CSMD1: variants seen among roughly 807,000 people sequenced by gnomAD.
The protein encoded by CSMD1 is CUB and Sushi multiple domains 1.
A neutral mutation model predicts 417.5 loss-of-function variants in CSMD1; 213 were observed. The observed-to-expected ratio is 0.51, with a 90% CI of 0.46 to 0.57. The LOEUF (loss-of-function observed/expected upper bound fraction) is 0.57. Among genes scored for constraint, CSMD1 ranks in the 20% least tolerant of loss-of-function variants. The pLI, the probability that CSMD1 is intolerant of heterozygous loss-of-function variation, is 0.00. For missense variants in CSMD1, 6,923 were observed against 4,529.7 expected (o/e 1.53, Z -15.17); for synonymous variants, 2,862 against 1,736.8 (o/e 1.65, Z -16.11).
At chr8:3,760,262 G>C (rs959039148) in intron 5 of CSMD1, among the ~76,000 whole-genome samples, 1 of 152,142 alleles carries the variant, frequency 6.6e-6, no homozygotes, top group Non-Finnish European at 1.5e-5. Flanking sequence ...GGAACTGGTT[G>C]TTCCCACTTT....
At chr8:4,601,219 G>C (rs1222040488) in intron 2 of CSMD1, among the ~76,000 whole-genome samples, 2 of 152,140 alleles carry the variant, frequency 1.3e-5, no homozygotes, top group Non-Finnish European at 1.5e-5. Context: ...GCCGCCCAAA[G>C]TGCCGGGATT....
rs199586630 is a variant in CSMD1 at position 4,179,926 on chromosome 8, C to G, written c.416-147827G>C. Among the ~76,000 whole-genome samples, 4 of 152,162 alleles carry G rather than the reference C, an allele frequency of 2.6e-5. No homozygotes were observed. In the East Asian group the frequency reaches 5.8e-4, roughly 22 times the overall value. ...TGGCGATCATTAAAAAGTCAGGAAACAAAAGGTGCTGGAGAGGATGTGGAG... is the reference window on the plus strand; with the variant it reads ...TGGCGATCATTAAAAAGTCAGGAAAGAAAAGGTGCTGGAGAGGATGTGGAG... On this transcript the variant is annotated intron_variant, in intron 3 of 69. Coordinates refer to ENST00000635120, the MANE Select transcript of CSMD1 (RefSeq NM_033225.6).
chr8:4,210,106 T>G (rs1278772768), intron 3 of CSMD1, among the ~76,000 whole-genome samples: 2 of 152,204 alleles, frequency 1.3e-5, no homozygotes, highest in African/African-American at 4.8e-5. Flanking sequence ...GGAGAGCTCC[T>G]GATCATTTTC....
At chr8:3,397,623 G>A (rs1423550650) in intron 16 of CSMD1, among the ~76,000 whole-genome samples, 1 of 152,174 alleles carries the variant, frequency 6.6e-6, no homozygotes, top group Non-Finnish European at 1.5e-5. Flanking sequence ...TCTTAAAACT[G>A]ATTTCTCAGT....
chr8:4,917,525 T>G (rs2117122496), intron 1 of CSMD1, among the ~76,000 whole-genome samples: 1 of 152,166 alleles, frequency 6.6e-6, no homozygotes, highest in Admixed American at 6.5e-5. Flanking sequence ...TCCCAGCTAC[T>G]CGGGAAGCTG....
intron 12 of CSMD1, 128 bp from the exon 13 acceptor site, chr8:3,409,733 T>A: frequency 1.5e-6 from 1 of 673,836 alleles, no homozygotes; most frequent in Non-Finnish European, 2.5e-6. Flanking sequence ...AAAGTGTTTC[T>A]AAAGGATATT....
At chr8:4,505,883 C>G (rs1802499220) in intron 2 of CSMD1, among the ~76,000 whole-genome samples, 1 of 151,982 alleles carries the variant, frequency 6.6e-6, no homozygotes, top group African/African-American at 2.4e-5. Context: ...TCCCTAACCT[C>G]TGCCTCCTGG....
chr8:4,050,428 G>C (rs1240142576), intron 3 of CSMD1, among the ~76,000 whole-genome samples: 2 of 151,256 alleles, frequency 1.3e-5, no homozygotes, highest in Non-Finnish European at 2.9e-5. Context: ...TTTGTTTTTT[G>C]CATATATACA....
Position 4,875,154 on chromosome 8 carries a change from G to A in CSMD1, c.85+119178C>T, listed in dbSNP as rs190070831. Among the ~76,000 whole-genome samples the A allele has an allele frequency of 2.8e-3, 429 of 151,822 alleles. 2 individuals are homozygous for A. The highest frequency in any genetic ancestry group is 5.0e-3 in the Admixed American group (76 of 15,246). ...CTCATGGTAAGGTAGTATGTGCTCTGCCTACAAATCTTGAAAGATTCGTGT... is the reference window on the plus strand; with the variant it reads ...CTCATGGTAAGGTAGTATGTGCTCTACCTACAAATCTTGAAAGATTCGTGT... On this transcript the variant is annotated intron_variant, in intron 1 of 69. Transcript: ENST00000635120.
intron 3 of CSMD1, among the ~76,000 whole-genome samples, chr8:4,211,147 A>G (rs1024084474): frequency 1.3e-5 from 2 of 152,084 alleles, no homozygotes; most frequent in African/African-American, 4.8e-5. Flanking sequence ...TCTAATCACT[A>G]AATAATTTAT....
intron 1 of CSMD1, among the ~76,000 whole-genome samples, chr8:4,828,503 G>C (rs1309440939): frequency 6.6e-6 from 1 of 152,070 alleles, no homozygotes; most frequent in South Asian, 2.1e-4. Context: ...GGTAAGATCC[G>C]AAAGCACCTA....
At chr8:4,142,467 A>G (rs1803848779) in intron 3 of CSMD1, among the ~76,000 whole-genome samples, 1 of 151,234 alleles carries the variant, frequency 6.6e-6, no homozygotes, top group Non-Finnish European at 1.5e-5. Flanking sequence ...AGAATAATCT[A>G]CCTTGTTATT....
intron 3 of CSMD1, among the ~76,000 whole-genome samples, chr8:4,041,130 C>A (rs1227949991): frequency 6.6e-6 from 1 of 150,482 alleles, no homozygotes; most frequent in Non-Finnish European, 1.5e-5. Flanking sequence ...CATTCTCCTG[C>A]CTCAGCCTCC....
intron 5 of CSMD1, among the ~76,000 whole-genome samples, chr8:3,961,718 G>A (rs1812338336): frequency 6.6e-6 from 1 of 152,148 alleles, no homozygotes. Flanking sequence ...GATACTCATG[G>A]GAGCATTTCC....
At chr8:3,841,378 A>C (rs1218802661) in intron 5 of CSMD1, among the ~76,000 whole-genome samples, 1 of 152,184 alleles carries the variant, frequency 6.6e-6, no homozygotes, top group Non-Finnish European at 1.5e-5. Context: ...TGTGGTTCTC[A>C]ACCTCAAGCA....
intron 2 of CSMD1, among the ~76,000 whole-genome samples, chr8:4,507,936 G>C (rs1045462276): frequency 6.6e-6 from 1 of 152,094 alleles, no homozygotes; most frequent in African/African-American, 2.4e-5. Context: ...AGTGAAAATA[G>C]TATCAGCAGG....
rs533214209 is a variant in CSMD1 at position 3,317,374 on chromosome 8, G to A, written c.3632-8871C>T. On this transcript the variant is annotated intron_variant, in intron 23 of 69. Coordinates refer to ENST00000635120, the MANE Select transcript of CSMD1 (RefSeq NM_033225.6). Reference sequence around the variant, plus strand: ...TTAGACATCCTAACAAATAGTAATCGCAATAATTACCCAAGCTATAGGCAT... The same window carrying A: ...TTAGACATCCTAACAAATAGTAATCACAATAATTACCCAAGCTATAGGCAT... 1.1e-4 allele frequency among the ~76,000 whole-genome samples: 17 copies of A among 152,236 alleles called. No individual in the cohort carries two copies. In the East Asian group the frequency reaches 1.5e-3, roughly 14 times the overall value.
intron 1 of CSMD1, among the ~76,000 whole-genome samples, chr8:4,717,020 T>C (rs1343812073): frequency 6.6e-6 from 1 of 152,060 alleles, no homozygotes; most frequent in African/African-American, 2.4e-5. Context: ...TGAGGACACA[T>C]TTTCTCCTCT....
chr8:4,328,333 C>G lies in CSMD1; in HGVS notation c.415+91620G>C, dbSNP rs145888930. Reference sequence around the variant, plus strand: ...GACTCAGTTAAGTCAACTGTGCGGTCTGAGACTTCTCTCTTTCTTAGTGCA... The same window carrying G: ...GACTCAGTTAAGTCAACTGTGCGGTGTGAGACTTCTCTCTTTCTTAGTGCA... On this transcript the variant is annotated intron_variant, in intron 3 of 69. Coordinates refer to ENST00000635120, the MANE Select transcript of CSMD1 (RefSeq NM_033225.6). Among the ~76,000 whole-genome samples, 595 of 148,128 alleles carry G rather than the reference C, an allele frequency of 4.0e-3. 3 individuals are homozygous for G. The highest frequency in any genetic ancestry group is 0.023 in the Middle Eastern group (6 of 266).
Sources: allele counts gnomAD v4.1 joint callset (sites outside exome capture counted in the v4.1 genomes callset), GRCh38; gene constraint gnomAD v4.1.1; transcripts MANE v1.5; gene names NCBI Gene and HGNC (gene_info 2026-07-23, HGNC 2026-07-21).